CACNA2D3: variants seen among roughly 807,000 people sequenced by gnomAD.
CACNA2D3 encodes voltage-dependent calcium channel subunit alpha-2/delta-3.
CACNA2D3 carries 60 observed loss-of-function variants against 160.6 expected under a neutral mutation model. The ratio of observed to expected loss-of-function variants is 0.37; its 90% CI spans 0.30 to 0.46. CACNA2D3 has a LOEUF of 0.46. Ranked by LOEUF, CACNA2D3 falls within the 20% of genes least tolerant of loss-of-function variation. The pLI is 1.00. For synonymous variants in CACNA2D3, 558 were observed against 492.9 expected, an observed-to-expected ratio of 1.13 and a Z score of -1.75; for missense variants, 1,205 against 1,365.0, an observed-to-expected ratio of 0.88 and a Z score of 1.85.
At chr3:55,010,403 T>C (rs113677149) in intron 34 of CACNA2D3, among the ~76,000 whole-genome samples, 2,570 of 152,050 alleles carry the variant, frequency 0.017, 60 homozygotes, top group African/African-American at 0.058. Flanking sequence ...GGAAGGAAAA[T>C]AAATAAATAA....
intron 34 of CACNA2D3, among the ~76,000 whole-genome samples, chr3:55,016,323 C>T (rs1396149690): frequency 1.3e-5 from 2 of 152,210 alleles, no homozygotes; most frequent in Non-Finnish European, 2.9e-5. Context: ...GCACTCACAG[C>T]GTGCCAGCTA....
chr3:54,640,477 C>T (rs937475503), intron 10 of CACNA2D3, among the ~76,000 whole-genome samples: 6 of 152,112 alleles, frequency 3.9e-5, no homozygotes, highest in African/African-American at 7.2e-5. Context: ...CACCCCGATT[C>T]CAGGGAAGGA....
intron 13 of CACNA2D3, among the ~76,000 whole-genome samples, chr3:54,801,611 G>C (rs937374365): frequency 2.0e-5 from 3 of 152,126 alleles, no homozygotes; most frequent in African/African-American, 7.2e-5. Flanking sequence ...AGTTAATTGA[G>C]ATCAGCGGTG....
intron 27 of CACNA2D3, among the ~76,000 whole-genome samples, chr3:54,934,856 C>T (rs182050006): frequency 1.5e-4 from 23 of 152,190 alleles, no homozygotes; most frequent in South Asian, 1.5e-3. Context: ...CTCAGCCTCC[C>T]GAGTAGCTGG....
chr3:54,715,336 C>A (rs560828682), intron 11 of CACNA2D3, among the ~76,000 whole-genome samples: 1 of 152,276 alleles, frequency 6.6e-6, no homozygotes, highest in East Asian at 1.9e-4. Flanking sequence ...AGAAGGGGCA[C>A]CACGGAGCTC....
intron 2 of CACNA2D3, among the ~76,000 whole-genome samples, chr3:54,304,913 CT>C (rs112754601): frequency 1.7e-3 from 256 of 147,136 alleles, no homozygotes; most frequent in African/African-American, 4.9e-3. Flanking sequence ...ATCTTTTGCT[CT>C]TTTTTTTTTT....
At chr3:54,310,980 G>A (rs898716470) in intron 2 of CACNA2D3, among the ~76,000 whole-genome samples, 11 of 152,256 alleles carry the variant, frequency 7.2e-5, no homozygotes, top group Middle Eastern at 3.4e-3. Flanking sequence ...CCTGGTCCTC[G>A]GCACCATGAC....
intron 9 of CACNA2D3, among the ~76,000 whole-genome samples, chr3:54,588,472 A>G (rs538233895): frequency 1.3e-5 from 2 of 152,336 alleles, no homozygotes; most frequent in East Asian, 3.9e-4. Context: ...CAGGAAAAGA[A>G]GTAAAAGGCA....
At chr3:54,204,611 A>G (rs1032625894) in intron 2 of CACNA2D3, among the ~76,000 whole-genome samples, 1 of 152,158 alleles carries the variant, frequency 6.6e-6, no homozygotes, top group Non-Finnish European at 1.5e-5. Context: ...CCTGGCTAAC[A>G]TGGTGAAACC....
intron 2 of CACNA2D3, among the ~76,000 whole-genome samples, chr3:54,211,634 T>G (rs1303975137): frequency 6.6e-6 from 1 of 152,224 alleles, no homozygotes; most frequent in African/African-American, 2.4e-5. Flanking sequence ...AGACTCATAT[T>G]TTTTGTAAAG....
chr3:54,660,305 C>T (rs1292186797), intron 11 of CACNA2D3, among the ~76,000 whole-genome samples: 1 of 152,004 alleles, frequency 6.6e-6, no homozygotes, highest in Non-Finnish European at 1.5e-5. Context: ...GGACTACAGG[C>T]GCCCACCACC....
intron 2 of CACNA2D3, among the ~76,000 whole-genome samples, chr3:54,241,461 C>G (rs1701972668): frequency 6.6e-6 from 1 of 152,210 alleles, no homozygotes; most frequent in South Asian, 2.1e-4. Context: ...AGTCCACAGT[C>G]TAAGAAAGCC....
At chr3:54,137,872 C>T (rs1045803952) in intron 2 of CACNA2D3, among the ~76,000 whole-genome samples, 4 of 152,144 alleles carry the variant, frequency 2.6e-5, no homozygotes, top group Admixed American at 6.5e-5. Flanking sequence ...TTTAAAAACC[C>T]GTGCTCTAAA....
intron 3 of CACNA2D3, among the ~76,000 whole-genome samples, chr3:54,356,603 C>T (rs376222499): frequency 1.1e-4 from 16 of 152,166 alleles, no homozygotes; most frequent in African/African-American, 2.4e-5. Context: ...ACAGAGCCTT[C>T]GAGTAGTCTT....
intron 17 of CACNA2D3, among the ~76,000 whole-genome samples, chr3:54,867,546 C>A (rs1267431852): frequency 7.6e-6 from 1 of 131,224 alleles, no homozygotes. Context: ...AAAAAAAGGC[C>A]TTTAAAAGGG....
chr3:54,543,006 AC>A (rs1179269520), intron 5 of CACNA2D3, among the ~76,000 whole-genome samples: 2 of 152,238 alleles, frequency 1.3e-5, no homozygotes, highest in Non-Finnish European at 2.9e-5. Context: ...TCATGTGTCC[AC>A]TTTTATAGTG....
At chr3:54,562,204 C>T (rs866725172) in intron 5 of CACNA2D3, among the ~76,000 whole-genome samples, 1 of 152,162 alleles carries the variant, frequency 6.6e-6, no homozygotes. Context: ...CTGCCATGTG[C>T]TGGTCAAAGG....
chr3:54,766,641 G>T (rs973512651), intron 13 of CACNA2D3, among the ~76,000 whole-genome samples: 2 of 152,116 alleles, frequency 1.3e-5, no homozygotes, highest in Admixed American at 6.5e-5. Context: ...ATATGCACAA[G>T]TTTGTTCTTT....
intron 13 of CACNA2D3, among the ~76,000 whole-genome samples, chr3:54,796,590 C>T (rs2106660275): frequency 6.6e-6 from 1 of 152,270 alleles, no homozygotes; most frequent in Non-Finnish European, 1.5e-5. Flanking sequence ...AAGAAAAGAA[C>T]TTCACTTAGA....
Sources: gnomAD v4.1 joint callset for allele counts (sites outside exome capture counted in the v4.1 genomes callset) on GRCh38, gnomAD v4.1.1 for gene constraint, MANE v1.5 for transcripts, NCBI Gene and HGNC (gene_info 2026-07-23, HGNC 2026-07-21) for gene names.